Variants in LYRM1 observed in about 807,000 individuals in gnomAD.
The protein encoded by LYRM1 is LYR motif containing 1.
Under a neutral mutation model 14.9 loss-of-function variants are expected in LYRM1, and 14 were observed. The ratio of observed to expected loss-of-function variants is 0.94; its 90% CI spans 0.62 to 1.47. The LOEUF (loss-of-function observed/expected upper bound fraction) is 1.47. Among genes scored for constraint, LYRM1 ranks in the 40% most tolerant of loss-of-function variants. The probability of loss-of-function intolerance (pLI) is 0.00; values close to 1 mark genes in which losing one functional copy is unlikely to be tolerated. For synonymous variants in LYRM1, 43 were observed against 56.2 expected (o/e 0.77, Z 1.05); for missense variants, 153 against 149.9 (o/e 1.02, Z -0.11).
chr16:20,913,393 A>G (rs1005992733), intron 1 of LYRM1, among the ~76,000 whole-genome samples: 13 of 151,026 alleles, frequency 8.6e-5, no homozygotes, highest in Admixed American at 7.3e-4. Context: ...GCACACTGCA[A>G]CCTTCACCTC....
At chr16:20,918,501 G>T (rs2083023332) in intron 2 of LYRM1, among the ~76,000 whole-genome samples, 1 of 152,162 alleles carries the variant, frequency 6.6e-6, no homozygotes, top group Admixed American at 6.6e-5. Flanking sequence ...TCCATTTAAT[G>T]AAAAATTTTA....
At chr16:20,923,527 A>G (rs1303946592) in intron 3 of LYRM1, among the ~76,000 whole-genome samples, 2 of 151,624 alleles carry the variant, frequency 1.3e-5, no homozygotes, top group Non-Finnish European at 2.9e-5. Context: ...AGAAAGAAAA[A>G]TTAACCATCC....
At chr16:20,904,090 TCTGA>T (rs1422570666) in intron 1 of LYRM1, among the ~76,000 whole-genome samples, 1 of 152,172 alleles carries the variant, frequency 6.6e-6, no homozygotes, top group East Asian at 1.9e-4. Context: ...TTTCACCACC[TCTGA>T]CTGACCCGTA....
intron 3 of LYRM1, among the ~76,000 whole-genome samples, chr16:20,923,514 G>A (rs4783511): frequency 0.62 from 87,920 of 140,772 alleles, 28,824 homozygotes; most frequent in Non-Finnish European, 0.73. Flanking sequence ...AAAAAAAAAA[G>A]AAAGAAAGAA....
At chr16:20,900,172 T>C (rs1322392596), upstream of LYRM1, 1 of 89,680 alleles carries the variant, frequency 1.1e-5, no homozygotes, top group Non-Finnish European at 2.1e-5. Context: ...CCCCCCGCCT[T>C]TTCCTCAACT....
chr16:20,907,328 T>C (rs2082372213), intron 1 of LYRM1, among the ~76,000 whole-genome samples: 1 of 152,200 alleles, frequency 6.6e-6, no homozygotes, highest in Non-Finnish European at 1.5e-5. Context: ...GTGGCCCCTT[T>C]CCCAAAGGCT....
intron 1 of LYRM1, 152 bp from the exon 2 acceptor site, chr16:20,915,404 G>A (rs2152545691): frequency 1.6e-6 from 1 of 634,786 alleles, no homozygotes; most frequent in Non-Finnish European, 2.5e-6. Context: ...AGCTTCCAGT[G>A]AGCCGAGATT....
At chr16:20,905,863 A>G (rs2082294295) in intron 1 of LYRM1, among the ~76,000 whole-genome samples, 1 of 152,204 alleles carries the variant, frequency 6.6e-6, no homozygotes, top group Non-Finnish European at 1.5e-5. Context: ...AAAGCATCCT[A>G]GTAAGGGTTA....
chr16:20,916,434 G>T (rs182107150), intron 2 of LYRM1, among the ~76,000 whole-genome samples: 1 of 152,108 alleles, frequency 6.6e-6, no homozygotes, highest in Non-Finnish European at 1.5e-5. Context: ...GATTCAGCGC[G>T]GTCACTGCTC....
chr16:20,921,607 C>G (rs532551069), intron 3 of LYRM1: 12 of 151,876 alleles, frequency 7.9e-5, no homozygotes, highest in Admixed American at 3.3e-4. Flanking sequence ...ACCATGTTGC[C>G]CAGGCTGGTC....
rs558075904 is a variant in LYRM1, at chr16:20,908,001, A to G, written c.-1+7112A>G. Among the ~76,000 whole-genome samples, 11 of 152,310 alleles carry G rather than the reference A, an allele frequency of 7.2e-5. 1 individual carries two copies. In the South Asian group the frequency reaches 1.0e-3, roughly 14 times the overall value. Reference sequence around the variant, plus strand: ...GTGTCTGGCACATGGTGGACCTTCAATAAATGTTGAGTGAGTGGATGGATG... The same window carrying G: ...GTGTCTGGCACATGGTGGACCTTCAGTAAATGTTGAGTGAGTGGATGGATG... On this transcript the variant is annotated intron_variant, in intron 1 of 3. Coordinates refer to ENST00000567954, the MANE Select transcript of LYRM1 (RefSeq NM_001128302.3).
At chr16:20,911,791 T>G (rs2082607468) in intron 1 of LYRM1, among the ~76,000 whole-genome samples, 1 of 151,934 alleles carries the variant, frequency 6.6e-6, no homozygotes, top group Non-Finnish European at 1.5e-5. Flanking sequence ...AGAGATAGGG[T>G]CTCTTTATAT....
At chr16:20,912,955 A>T (rs1356577561) in intron 1 of LYRM1, among the ~76,000 whole-genome samples, 2 of 151,688 alleles carry the variant, frequency 1.3e-5, no homozygotes, top group Non-Finnish European at 2.9e-5. Flanking sequence ...AATCCCAGCT[A>T]ATTGGGAGGC....
At chr16:20,920,068 C>T (rs2083105117) in intron 2 of LYRM1, 54 bp from the exon 3 acceptor site, 1 of 1,250,492 alleles carries the variant, frequency 8.0e-7, no homozygotes, top group Admixed American at 1.8e-5. Context: ...TACCTATACT[C>T]TATGTACCAT....
intron 1 of LYRM1, among the ~76,000 whole-genome samples, chr16:20,913,447 G>A (rs1262262534): frequency 1.3e-5 from 2 of 151,814 alleles, no homozygotes; most frequent in African/African-American, 4.8e-5. Context: ...AAATAGCTGG[G>A]ATTACAGGTG....
At chr16:20,919,653 A>G (rs571296981) in intron 2 of LYRM1, among the ~76,000 whole-genome samples, 3 of 152,358 alleles carry the variant, frequency 2.0e-5, no homozygotes, top group East Asian at 1.9e-4. Flanking sequence ...TTGGAATTTT[A>G]TATAGCTGTT....
At chr16:20,902,985 G>A (rs895791303) in intron 1 of LYRM1, among the ~76,000 whole-genome samples, 5 of 152,160 alleles carry the variant, frequency 3.3e-5, no homozygotes, top group Non-Finnish European at 7.3e-5. Flanking sequence ...ATAGTGTAAA[G>A]GGTATCAGAA....
chr16:20,906,028 T>C (rs1363298024), intron 1 of LYRM1, among the ~76,000 whole-genome samples: 1 of 152,242 alleles, frequency 6.6e-6, no homozygotes, highest in Non-Finnish European at 1.5e-5. Context: ...GTTCCAACTA[T>C]GTGCCAGCCT....
intron 3 of LYRM1, 191 bp downstream of exon 3, chr16:20,920,405 C>T (rs559415696): frequency 1.7e-5 from 10 of 587,996 alleles, no homozygotes; most frequent in African/African-American, 5.6e-5. Flanking sequence ...GAATGCATGA[C>T]GTATCCTGCT....
Sources: gnomAD v4.1 joint callset for allele counts (sites outside exome capture counted in the v4.1 genomes callset) on GRCh38, gnomAD v4.1.1 for gene constraint, MANE v1.5 for transcripts, NCBI Gene and HGNC (gene_info 2026-07-23, HGNC 2026-07-21) for gene names.